The following CSMD1 variants were observed in gnomAD, a reference collection of about 807,000 sequenced individuals.
CSMD1 encodes CUB and sushi domain-containing protein 1.
Under a neutral mutation model 417.5 loss-of-function variants are expected in CSMD1, and 213 were observed. That is an observed-to-expected ratio of 0.51 (90% CI 0.46 to 0.57). The LOEUF is 0.57. Among genes scored for constraint, CSMD1 ranks in the 20% least tolerant of loss-of-function variants. The pLI, the probability that CSMD1 is intolerant of heterozygous loss-of-function variation, is 0.00. For missense variants in CSMD1, 6,923 were observed against 4,529.7 expected (o/e 1.53, Z -15.17); for synonymous variants, 2,862 against 1,736.8 (o/e 1.65, Z -16.11).
intron 3 of CSMD1, among the ~76,000 whole-genome samples, chr8:4,390,326 A>G (rs1054678873): frequency 6.6e-5 from 10 of 152,138 alleles, no homozygotes; most frequent in African/African-American, 2.2e-4. Context: ...TTGGGAAAAG[A>G]AGGAAAAGAG....
intron 2 of CSMD1, among the ~76,000 whole-genome samples, chr8:4,447,631 G>C (rs1443980108): frequency 6.6e-6 from 1 of 152,164 alleles, no homozygotes; most frequent in African/African-American, 2.4e-5. Flanking sequence ...CTTGTTCAAA[G>C]TCGACAGGTT....
intron 2 of CSMD1, among the ~76,000 whole-genome samples, chr8:4,614,710 G>A (rs2617109): frequency 3.9e-5 from 6 of 151,930 alleles, no homozygotes; most frequent in South Asian, 2.1e-4. Flanking sequence ...TTCATGGAAC[G>A]AACACTTCCT....
At chr8:4,418,535 G>C (rs779434545) in intron 3 of CSMD1, among the ~76,000 whole-genome samples, 16 of 151,552 alleles carry the variant, frequency 1.1e-4, no homozygotes, top group Admixed American at 2.6e-4. Context: ...AAAATGCCAA[G>C]TTTTCTAAAA....
intron 8 of CSMD1, among the ~76,000 whole-genome samples, chr8:3,594,108 A>G (rs1800981324): frequency 6.6e-6 from 1 of 152,164 alleles, no homozygotes; most frequent in Non-Finnish European, 1.5e-5. Context: ...CATCTTGAAA[A>G]CATTTAGCTG....
In CSMD1 at chr8:4,562,204, G is replaced by C. The variant is rs1204477861; in HGVS notation, c.302+75138C>G. Among the ~76,000 whole-genome samples the C allele has an allele frequency of 2.6e-5, 4 of 152,280 alleles. No individual in the cohort carries two copies. In the South Asian group the frequency reaches 6.2e-4, roughly 24 times the overall value. Reference sequence around the variant, plus strand: ...AGGAAGAAACTAGAAACAGACACTTGAGCCAAGTCCTGGAAGAAACGACAC... The same window carrying C: ...AGGAAGAAACTAGAAACAGACACTTCAGCCAAGTCCTGGAAGAAACGACAC... On this transcript the variant is annotated intron_variant, in intron 2 of 69. Transcript: ENST00000635120.
Position 3,308,390 on chromosome 8 carries a change from C to A in CSMD1, c.3745G>T (p.Ala1249Ser). The change falls in exon 24 of 70, where the codon GCC becomes TCC. Residue 1249 changes from alanine to serine, a missense_variant. By Grantham distance (99) the Ala-to-Ser change is moderately conservative (BLOSUM62 1). Coordinates refer to ENST00000635120, the MANE Select transcript of CSMD1 (RefSeq NM_033225.6). ...GTCAGGGTGTTGCTGCCATGCATGG[C>A]GTACCCCGGGTTGCAACTGTACAGA... Reference protein sequence around the residue: ...VVLYSCNPGYAMHGSNTLTCL... With the variant: ...VVLYSCNPGYSMHGSNTLTCL... 6.2e-7 allele frequency: 1 copy of A among 1,613,756 alleles called. No homozygotes were observed. Among genetic ancestry groups the A allele is most frequent in the Non-Finnish European group, 8.5e-7 (1 of 1,179,798 alleles).
intron 3 of CSMD1, among the ~76,000 whole-genome samples, chr8:4,335,180 AGG>A (rs1800097577): frequency 6.6e-6 from 1 of 152,114 alleles, no homozygotes; most frequent in Non-Finnish European, 1.5e-5. Context: ...CTGGGATTAC[AGG>A]TGTGAGCCAC....
intron 12 of CSMD1, among the ~76,000 whole-genome samples, chr8:3,423,984 TTTTC>T (rs754543979): frequency 7.8e-4 from 119 of 152,298 alleles, no homozygotes; most frequent in Middle Eastern, 6.8e-3. Flanking sequence ...ACAGTACCAG[TTTTC>T]TTTGTTGGTG....
chr8:3,440,079 G>C lies in CSMD1; in HGVS notation c.1561+28633C>G, dbSNP rs1356294403. ...GAGCTATATAATATGCAGTGAAATT[G>C]GGTAAGGTGCTTTTCCCACTCAATT... On this transcript the variant is annotated intron_variant, in intron 12 of 69. Coordinates refer to ENST00000635120, the MANE Select transcript of CSMD1 (RefSeq NM_033225.6). 7.2e-5 allele frequency among the ~76,000 whole-genome samples: 11 copies of C among 152,216 alleles called. No individual in the cohort carries two copies. The South Asian group carries it at 1.7e-3, about 23-fold the overall frequency.
chr8:3,948,448 T>A (rs1335179271), intron 5 of CSMD1, among the ~76,000 whole-genome samples: 1 of 152,080 alleles, frequency 6.6e-6, no homozygotes, highest in Non-Finnish European at 1.5e-5. Flanking sequence ...TGACACACTT[T>A]GAATGTGACC....
intron 4 of CSMD1, among the ~76,000 whole-genome samples, chr8:4,021,501 G>A (rs905408937): frequency 5.9e-5 from 9 of 152,126 alleles, no homozygotes; most frequent in African/African-American, 1.7e-4. Flanking sequence ...TACATCCCCA[G>A]CATCGTCCTC....
chr8:4,070,726 C>T (rs749214045), intron 3 of CSMD1, among the ~76,000 whole-genome samples: 2 of 152,080 alleles, frequency 1.3e-5, no homozygotes, highest in Admixed American at 1.3e-4. Context: ...CCATGAAGCC[C>T]GAGCAACCAT....
intron 12 of CSMD1, among the ~76,000 whole-genome samples, chr8:3,452,481 C>G (rs892450893): frequency 1.3e-5 from 2 of 152,076 alleles, no homozygotes; most frequent in Non-Finnish European, 2.9e-5. Context: ...ATTATTTTGA[C>G]ATACATCCCA....
chr8:4,287,583 T>A (rs1424583497), intron 3 of CSMD1, among the ~76,000 whole-genome samples: 1 of 152,114 alleles, frequency 6.6e-6, no homozygotes, highest in East Asian at 1.9e-4. Context: ...CAAGCTTTTA[T>A]TACCTTCCAG....
At chr8:4,500,166 G>C (rs1236108504) in intron 2 of CSMD1, among the ~76,000 whole-genome samples, 4 of 152,148 alleles carry the variant, frequency 2.6e-5, no homozygotes, top group East Asian at 3.9e-4. Flanking sequence ...AAAGTATAAA[G>C]AGGCTGGGAG....
At chr8:4,446,973 G>A (rs1001611175) in intron 2 of CSMD1, among the ~76,000 whole-genome samples, 12 of 151,688 alleles carry the variant, frequency 7.9e-5, no homozygotes, top group Admixed American at 3.9e-4. Flanking sequence ...AAAAACAGCA[G>A]GAGATGACTG....
At chr8:3,241,813 T>C (rs946813605) in intron 26 of CSMD1, among the ~76,000 whole-genome samples, 2 of 152,112 alleles carry the variant, frequency 1.3e-5, no homozygotes, top group Non-Finnish European at 2.9e-5. Flanking sequence ...CTTAGAAATA[T>C]GTTGCTTCTT....
chr8:3,768,862 T>C (rs1274313016), intron 5 of CSMD1, among the ~76,000 whole-genome samples: 2 of 152,236 alleles, frequency 1.3e-5, no homozygotes, highest in African/African-American at 2.4e-5. Flanking sequence ...GCACAGGCTC[T>C]AGGAAATGTC....
chr8:4,628,924 A>G (rs1382256), intron 2 of CSMD1, among the ~76,000 whole-genome samples: 1 of 151,924 alleles, frequency 6.6e-6, no homozygotes, highest in African/African-American at 2.4e-5. Context: ...TTGGAAGAAA[A>G]TGGACACTCT....
Sources: gnomAD v4.1 joint callset for allele counts (sites outside exome capture counted in the v4.1 genomes callset) on GRCh38, gnomAD v4.1.1 for gene constraint, MANE v1.5 for transcripts, NCBI Gene and HGNC (gene_info 2026-07-23, HGNC 2026-07-21) for gene names.